Variants in RBM5 observed in about 807,000 individuals in gnomAD.
RBM5 encodes the protein RNA binding motif protein 5.
In RBM5, 15 loss-of-function variants were observed where a neutral mutation model predicts 124.6. The ratio of observed to expected loss-of-function variants is 0.12; its 90% CI spans 0.08 to 0.19. The LOEUF (loss-of-function observed/expected upper bound fraction) is 0.19. Ranked by LOEUF, RBM5 falls within the 10% of genes least tolerant of loss-of-function variation. The pLI is 1.00. For synonymous variants in RBM5, 337 were observed against 361.2 expected (o/e 0.93, Z 0.76); for missense variants, 580 against 1,026.5 (o/e 0.57, Z 5.94).
Position 50,090,567 on chromosome 3 carries a change from AAC to A in RBM5, c.17+119_17+120del, listed in dbSNP as rs2108982109. 2.5e-6 allele frequency: 3 copies of A among 1,186,866 alleles called. No homozygotes were observed. The East Asian group carries it at 7.2e-5, about 28-fold the overall frequency. The allele number at this position is 1,186,866 out of a possible 1,614,324, so 73.5% of individuals were successfully genotyped here. A position where few individuals can be genotyped will look rare whatever the true frequency, so the allele number is the denominator to read the frequency against. On this transcript the variant is annotated intron_variant, in intron 2 of 24. Coordinates refer to ENST00000347869, the MANE Select transcript of RBM5 (RefSeq NM_005778.4). ...TGTTTTGCGCCAGGCATTGCTAACGAACACCTTTATGATCCTGTTGTCACAAA... is the reference window on the plus strand; with the variant it reads ...TGTTTTGCGCCAGGCATTGCTAACGAACCTTTATGATCCTGTTGTCACAAA...
rs2091275943 is a variant in RBM5, at chr3:50,117,451, C to T, written c.2322+72C>T. 1.3e-6 allele frequency: 2 copies of T among 1,585,660 alleles called. No individual in the cohort carries two copies. The highest frequency in any genetic ancestry group is 1.3e-5 in the African/African-American group (1 of 74,118). ...GTTCCAGAGATGAGATCAGAGCACT[C>T]ATAGAGCCTGGGAGCCAGGAGCAGC... is the stretch of plus-strand genomic sequence containing the variant. On this transcript the variant is annotated intron_variant, in intron 24 of 24. Coordinates refer to ENST00000347869, the MANE Select transcript of RBM5 (RefSeq NM_005778.4). This position sits in a 1 kb window ranked among gnomAD's most constrained non-coding sequence, Gnocchi z 4.2.
At chr3:50,102,905 T>G (rs1374420342) in intron 6 of RBM5, 178 bp from the exon 7 acceptor site, 1 of 596,318 alleles carries the variant, frequency 1.7e-6, no homozygotes, top group African/African-American at 1.9e-5. Flanking sequence ...CCGCATCCCA[T>G]TCTCTTACTG....
At chr3:50,109,886 T>G in intron 15 of RBM5, 198 bp downstream of exon 15, 2 of 503,560 alleles carry the variant, frequency 4.0e-6, no homozygotes, top group Non-Finnish European at 3.5e-6. Flanking sequence ...TTCAACTGTG[T>G]ATTTACACTT....
At chr3:50,102,787 A>T (rs1230092575) in intron 6 of RBM5, 2 of 358,320 alleles carry the variant, frequency 5.6e-6, no homozygotes, top group African/African-American at 4.3e-5. Flanking sequence ...CAGCCTGTCA[A>T]TGCTGAATGT....
Position 50,107,433 on chromosome 3 carries a change from T to G in RBM5, c.954-49T>G, listed in dbSNP as rs749744962. On this transcript the variant is annotated intron_variant, in intron 11 of 24. Coordinates refer to ENST00000347869, the MANE Select transcript of RBM5 (RefSeq NM_005778.4). ...CAGTTGGTGGTATAGGGGCACTAATTGTGGGAATACTGTGATAGAATCACA... is the reference window on the plus strand; with the variant it reads ...CAGTTGGTGGTATAGGGGCACTAATGGTGGGAATACTGTGATAGAATCACA... 29 of 1,440,772 alleles carry G rather than the reference T, an allele frequency of 2.0e-5. No individual in the cohort carries two copies. The Middle Eastern group carries it at 7.0e-4, about 35-fold the overall frequency. 89.2% of individuals were successfully genotyped at this position (1,440,772 alleles called of 1,614,324 possible).
chr3:50,114,539 C>A, intron 20 of RBM5: 1 of 368,848 alleles, frequency 2.7e-6, no homozygotes, highest in Non-Finnish European at 4.8e-6. Flanking sequence ...AAAATTAAGA[C>A]AAGAAAAAGC....
In RBM5 at chr3:50,108,081, T is replaced by A; in HGVS notation, c.1053T>A (p.Gly351=). ...TTGATGTTTTGTAGTCTCAAAGTGGTGAAGGAGGCAGTGTTGACTACAGTT... is the reference window on the plus strand; with the variant it reads ...TTGATGTTTTGTAGTCTCAAAGTGGAGAAGGAGGCAGTGTTGACTACAGTT... ...AQWSSTQSQS[G]EGGSVDYSYL... is the part of the protein sequence containing the mutation. The change falls in exon 13 of 25, where the codon GGT becomes GGA. Residue 351 remains glycine (G), a synonymous_variant. Transcript: ENST00000347869. The A allele has an allele frequency of 6.2e-7, 1 of 1,607,614 alleles. No individual in the cohort carries two copies. The highest frequency in any genetic ancestry group is 8.5e-7 in the Non-Finnish European group (1 of 1,174,046).
At position 50,088,987 on chromosome 3, in the gene RBM5, C is replaced by G. The variant is rs1178370442; in HGVS notation, c.-96C>G. 6.6e-6 allele frequency: 1 copy of G among 152,314 alleles called. No individual in the cohort carries two copies. Among genetic ancestry groups the G allele is most frequent in the Admixed American group, 6.5e-5 (1 of 15,284 alleles). 9.4% of individuals were successfully genotyped at this position (152,314 alleles called of 1,614,324 possible). On this transcript the variant is annotated 5_prime_UTR_variant, in exon 1 of 25. Transcript: ENST00000347869. The stretch of plus-strand genomic sequence containing the variant: ...TAGCCGCCGAACCTTGTTGGAGGTT[C>G]TGGGGCGCAGAACCGCTACTGCTGC...
At position 50,115,898 on chromosome 3, in the gene RBM5, T is replaced by C. The variant is rs763310970; in HGVS notation, c.2020-8T>C. The C allele has an allele frequency of 5.0e-6, 8 of 1,609,492 alleles. No homozygotes were observed. The South Asian group carries it at 5.5e-5, about 11-fold the overall frequency. On this transcript the variant is annotated splice_polypyrimidine_tract_variant and splice_region_variant and intron_variant, in intron 21 of 24. Coordinates refer to ENST00000347869, the MANE Select transcript of RBM5 (RefSeq NM_005778.4). ...GTCCTTACTGTGTCTTTCAAATCTTTTGTGTAGCAAAACATGGACATCTAT... is the reference window on the plus strand; with the variant it reads ...GTCCTTACTGTGTCTTTCAAATCTTCTGTGTAGCAAAACATGGACATCTAT...
In RBM5 at chr3:50,118,381, T is replaced by C; in HGVS notation, c.2373T>C (p.Tyr791=). The C allele has an allele frequency of 3.7e-6, 6 of 1,614,104 alleles. No individual in the cohort carries two copies. In the South Asian group the frequency reaches 5.5e-5, roughly 15 times the overall value. The change falls in exon 25 of 25, where the codon TAT becomes TAC. Residue 791 remains tyrosine (Y), a synonymous_variant. Transcript: ENST00000347869. The part of the protein sequence containing the change: ...GAGLGAKGSA[Y]GLSGADSYKD... ...GCCTAGGAGCCAAAGGCAGCGCATA[T>C]GGTTTGTCGGGCGCCGATTCCTACA...
chr3:50,110,013 C>A (rs969505837), intron 15 of RBM5, among the ~76,000 whole-genome samples: 4 of 152,090 alleles, frequency 2.6e-5, no homozygotes, highest in Middle Eastern at 3.4e-3. Context: ...GAGATCAAGA[C>A]CATCCTGGCT....
chr3:50,116,735 C>T, intron 22 of RBM5: 1 of 337,932 alleles, frequency 3.0e-6, no homozygotes, highest in South Asian at 2.6e-5. Flanking sequence ...TGTCCAAATG[C>T]TGAGGAGAAC....
rs2091294062 is a variant in RBM5, at chr3:50,118,235, C to T, written c.2323-96C>T. Reference sequence around the variant, plus strand: ...ATATACAGTTTTCTCTCTTCTGTCTCCTGGTGGGTGGTCCTGCTGGGTAAG... The same window carrying T: ...ATATACAGTTTTCTCTCTTCTGTCTTCTGGTGGGTGGTCCTGCTGGGTAAG... On this transcript the variant is annotated intron_variant, in intron 24 of 24. Transcript: ENST00000347869. 4 of 1,519,148 alleles carry T rather than the reference C, an allele frequency of 2.6e-6. No individual in the cohort carries two copies. In the South Asian group the frequency reaches 3.5e-5, roughly 13 times the overall value. The allele number at this position is 1,519,148 out of a possible 1,614,324, so 94.1% of individuals were successfully genotyped here. A position where few individuals can be genotyped will look rare whatever the true frequency, so the allele number is the denominator to read the frequency against.
chr3:50,107,400 G>GC (rs2091052891), intron 11 of RBM5, 82 bp from the exon 12 acceptor site: 6 of 1,097,878 alleles, frequency 5.5e-6, no homozygotes, highest in African/African-American at 1.5e-5. Context: ...ACAAAGGGTG[G>GC]AGTGAATCAG....
rs916169037 is a variant in RBM5 at position 50,115,230 on chromosome 3, C to G, written c.1840-198C>G. 7.1e-6 allele frequency: 4 copies of G among 561,918 alleles called. No homozygotes were observed. In the Admixed American group the frequency reaches 1.5e-4, roughly 21 times the overall value. The allele number at this position is 561,918 out of a possible 1,614,324, so 34.8% of individuals were successfully genotyped here. A position where few individuals can be genotyped will look rare whatever the true frequency, so the allele number is the denominator to read the frequency against. ...TTCTTAGGCTCCAAGAAGGTTGGTA[C>G]CAGGAGGCTGTCAGGCCTAGCACTC... On this transcript the variant is annotated intron_variant, in intron 20 of 24. Coordinates refer to ENST00000347869, the MANE Select transcript of RBM5 (RefSeq NM_005778.4).
chr3:50,106,688 T>TACTTCTTTG, intron 10 of RBM5, 79 bp from the exon 11 acceptor site: 1 of 1,023,278 alleles, frequency 9.8e-7, no homozygotes, highest in Non-Finnish European at 1.5e-6. Context: ...AATAGAAAAC[T>TACTTCTTTG]ACTTCTTTGA....
At chr3:50,104,917 A>G (rs184342441) in intron 8 of RBM5, 160 bp from the exon 9 acceptor site, 162 of 567,594 alleles carry the variant, frequency 2.9e-4, no homozygotes, top group African/African-American at 2.4e-4. Context: ...GCGTTAACCA[A>G]GTCACAATTA....
rs1307088935 is a variant in RBM5, at chr3:50,105,306, CA to C, written c.694+179del. 4.8e-3 allele frequency among the ~76,000 whole-genome samples: 651 copies of C among 134,806 alleles called. 1 individual carries two copies. Among genetic ancestry groups the C allele is most frequent in the African/African-American group, 0.011 (411 of 36,824 alleles). The allele number at this position is 134,806 out of a possible 152,430, so 88.4% of individuals were successfully genotyped here. A position where few individuals can be genotyped will look rare whatever the true frequency, so the allele number is the denominator to read the frequency against. Reference sequence around the variant, plus strand: ...ACCTGTAATCCCAGCTACTCCGTCTCAAAAAAAAAAAAAAATTGACCTCAGT... The same window carrying C: ...ACCTGTAATCCCAGCTACTCCGTCTCAAAAAAAAAAAAAATTGACCTCAGT... On this transcript the variant is annotated intron_variant, in intron 9 of 24. Transcript: ENST00000347869.
chr3:50,089,576 G>A (rs2090665294), intron 1 of RBM5, among the ~76,000 whole-genome samples: 1 of 152,266 alleles, frequency 6.6e-6, no homozygotes, highest in South Asian at 2.1e-4. Flanking sequence ...GGAGACAAGG[G>A]GCGGCACCAG....
Sources: allele counts gnomAD v4.1 joint callset (sites outside exome capture counted in the v4.1 genomes callset), GRCh38; gene constraint gnomAD v4.1.1; non-coding constraint Gnocchi (gnomAD v3.1); transcripts MANE v1.5; gene names NCBI Gene and HGNC (gene_info 2026-07-23, HGNC 2026-07-21).